PCDHA6: variants seen among roughly 807,000 people sequenced by gnomAD.
PCDHA6 encodes protocadherin alpha-6.
PCDHA6 carries 55 observed loss-of-function variants against 60.3 expected under a neutral mutation model. The ratio of observed to expected loss-of-function variants is 0.91; its 90% confidence interval spans 0.73 to 1.14. The LOEUF (loss-of-function observed/expected upper bound fraction) is 1.14, where lower values mean the gene tolerates loss of function less well. Among genes scored for constraint, PCDHA6 ranks in the 50% most tolerant of loss-of-function variants. The probability of loss-of-function intolerance (pLI) is 0.00; values close to 1 mark genes in which losing one functional copy is unlikely to be tolerated. For synonymous variants in PCDHA6, 652 were observed against 557.9 expected (o/e 1.17, Z -2.38); for missense variants, 1,327 against 1,256.5 (o/e 1.06, Z -0.85).
chr5:140,869,580 T>C (rs1325973038), intron 1 of PCDHA6: 4 of 1,614,046 alleles, frequency 2.5e-6, no homozygotes, highest in Non-Finnish European at 3.4e-6. Flanking sequence ...GAGCTTCTGA[T>C]GCTGACATTG....
chr5:140,927,362 G>A, intron 1 of PCDHA6: 1 of 1,614,030 alleles, frequency 6.2e-7, no homozygotes, highest in Non-Finnish European at 8.5e-7. Context: ...GGAAGCAATG[G>A]GATACTAAGC....
chr5:140,985,619 G>C (rs961379624), intron 3 of PCDHA6, among the ~76,000 whole-genome samples: 2 of 152,064 alleles, frequency 1.3e-5, no homozygotes, highest in African/African-American at 2.4e-5. Context: ...TGAACCAGCT[G>C]TGTATTGCTC....
chr5:140,892,952 AT>A (rs1327610333), intron 1 of PCDHA6, among the ~76,000 whole-genome samples: 1 of 152,154 alleles, frequency 6.6e-6, no homozygotes, highest in African/African-American at 2.4e-5. Context: ...TACTACTTCC[AT>A]GAGCTCAATA....
intron 1 of PCDHA6, among the ~76,000 whole-genome samples, chr5:140,974,689 T>A (rs2153804618): frequency 1.3e-5 from 2 of 152,208 alleles, no homozygotes; most frequent in South Asian, 4.1e-4. Flanking sequence ...TTTTGTATTT[T>A]TGGGTTTCAC....
intron 1 of PCDHA6, among the ~76,000 whole-genome samples, chr5:140,898,621 C>T (rs1356286726): frequency 8.5e-5 from 13 of 152,312 alleles, no homozygotes; most frequent in African/African-American, 2.6e-4. Flanking sequence ...AGTCAGGTAG[C>T]ATAATGCCTC....
At chr5:140,907,927 T>C (rs970960629) in intron 1 of PCDHA6, among the ~76,000 whole-genome samples, 14 of 152,220 alleles carry the variant, frequency 9.2e-5, no homozygotes, top group Admixed American at 9.2e-4. Flanking sequence ...GAGAGGTCCA[T>C]TCACATACCT....
At chr5:141,009,476 C>T in intron 3 of PCDHA6, 151 bp from the exon 4 acceptor site, 4 of 1,420,154 alleles carry the variant, frequency 2.8e-6, no homozygotes, top group Non-Finnish European at 2.8e-6. Flanking sequence ...AATAAGTAAA[C>T]ACTTGCCTTG....
At chr5:140,875,342 A>C in intron 1 of PCDHA6, 1 of 1,443,152 alleles carries the variant, frequency 6.9e-7, no homozygotes, top group Non-Finnish European at 9.1e-7. Context: ...GATCGACTCC[A>C]TAATGACTGT....
chr5:140,834,475 T>G, intron 1 of PCDHA6: 1 of 1,614,156 alleles, frequency 6.2e-7, no homozygotes, highest in Non-Finnish European at 8.5e-7. Context: ...AGAGGCCAGC[T>G]CCACTACTCG....
intron 1 of PCDHA6, chr5:140,868,023 T>C (rs2050243779): frequency 6.6e-6 from 1 of 152,096 alleles, no homozygotes; most frequent in Non-Finnish European, 1.5e-5. Flanking sequence ...AGGAAACCAA[T>C]GTTGGTGACT....
At chr5:140,889,763 T>C (rs2062377523) in intron 1 of PCDHA6, among the ~76,000 whole-genome samples, 1 of 152,192 alleles carries the variant, frequency 6.6e-6, no homozygotes, top group African/African-American at 2.4e-5. Context: ...TCCTTGAACT[T>C]TGACTGGTCT....
At chr5:140,986,480 T>A (rs781884269) in intron 3 of PCDHA6, among the ~76,000 whole-genome samples, 16 of 152,200 alleles carry the variant, frequency 1.1e-4, no homozygotes, top group Non-Finnish European at 1.5e-4. Flanking sequence ...GATCAGTTCC[T>A]AGGGCAATCC....
chr5:140,982,967 T>C (rs1395576199), intron 3 of PCDHA6, among the ~76,000 whole-genome samples: 1 of 150,996 alleles, frequency 6.6e-6, no homozygotes, highest in Non-Finnish European at 1.5e-5. Flanking sequence ...CCACCCAAAG[T>C]AGTAAGGAAA....
chr5:140,882,149 G>A (rs2058970957), intron 1 of PCDHA6: 2 of 1,501,900 alleles, frequency 1.3e-6, no homozygotes, highest in Middle Eastern at 4.3e-4. Flanking sequence ...ATAGCAGAAA[G>A]CGGAATACCT....
rs1769533134 is a variant in PCDHA6 at position 140,828,111 on chromosome 5, A to G, written c.20A>G (p.Asp7Gly). The G allele has an allele frequency of 1.2e-6, 2 of 1,611,626 alleles. No homozygotes were observed. The highest frequency in any genetic ancestry group is 2.2e-5 in the East Asian group (1 of 44,864). ...TTTGACATGGTGTTTACCCCGGAGG[A>G]TAGATTGGGAAAGCAATGTCTGCTC... MVFTPE[D>G]RLGKQCLLLP... is the part of the protein sequence containing the mutation. Residue 7 changes from aspartate to glycine, a missense_variant, in exon 1 of 4, where the codon GAT becomes GGT. Asp to Gly is a moderately conservative substitution (Grantham distance 94). Transcript: ENST00000529310.
At chr5:140,940,139 C>G (rs984432706) in intron 1 of PCDHA6, among the ~76,000 whole-genome samples, 16 of 152,010 alleles carry the variant, frequency 1.1e-4, no homozygotes, top group Admixed American at 1.0e-3. Context: ...TAGTGATAAA[C>G]TATTATAGTT....
intron 1 of PCDHA6, chr5:140,928,165 C>G: frequency 6.2e-7 from 1 of 1,614,200 alleles, no homozygotes; most frequent in Non-Finnish European, 8.5e-7. Context: ...CTCACCCCCA[C>G]TTAGCACCCG....
At chr5:140,843,182 C>G (rs2150354761) in intron 1 of PCDHA6, 2 of 1,595,932 alleles carry the variant, frequency 1.3e-6, no homozygotes, top group African/African-American at 2.7e-5. Flanking sequence ...CCCTCGCATC[C>G]CGTTCCGCGT....
chr5:140,953,467 C>T (rs952334269), intron 1 of PCDHA6, among the ~76,000 whole-genome samples: 1 of 152,090 alleles, frequency 6.6e-6, no homozygotes, highest in African/African-American at 2.4e-5. Context: ...AGAGTTTTAA[C>T]TTCCTCATGC....
Sources: gnomAD v4.1 joint callset for allele counts (sites outside exome capture counted in the v4.1 genomes callset) on GRCh38, gnomAD v4.1.1 for gene constraint, MANE v1.5 for transcripts, NCBI Gene and HGNC (gene_info 2026-07-23, HGNC 2026-07-21) for gene names.